Variants in AUTS2 observed in about 807,000 individuals in gnomAD.
The protein encoded by AUTS2 is activator of transcription and developmental regulator AUTS2.
AUTS2 carries 17 observed loss-of-function variants against 112.4 expected under a neutral mutation model. The observed-to-expected ratio is 0.15, with a 90% CI of 0.10 to 0.23. The LOEUF is 0.23. AUTS2 is among the 10% of genes least tolerant of loss of function. The pLI is 1.00. For synonymous variants in AUTS2, 751 were observed against 702.7 expected, an observed-to-expected ratio of 1.07 and a Z score of -1.09; for missense variants, 1,510 against 1,701.6, an observed-to-expected ratio of 0.89 and a Z score of 1.98.
intron 2 of AUTS2, among the ~76,000 whole-genome samples, chr7:70,066,145 A>T (rs993344906): frequency 2.6e-5 from 4 of 152,250 alleles, no homozygotes; most frequent in African/African-American, 9.6e-5. Context: ...TTTTTAAAAA[A>T]TTTTGTAAAA....
chr7:69,673,119 C>G (rs893196522), intron 1 of AUTS2, among the ~76,000 whole-genome samples: 7 of 151,904 alleles, frequency 4.6e-5, no homozygotes, highest in Non-Finnish European at 1.0e-4. Context: ...TTTATGTTTC[C>G]CTGTTGTTAC....
intron 5 of AUTS2, among the ~76,000 whole-genome samples, chr7:70,446,594 G>C (rs1171114054): frequency 2.0e-5 from 3 of 152,212 alleles, no homozygotes; most frequent in Admixed American, 6.5e-5. Flanking sequence ...ATTGCTGTCA[G>C]CTCGGGTTAG....
chr7:70,013,478 A>C (rs1008005046), intron 2 of AUTS2, among the ~76,000 whole-genome samples: 4 of 152,186 alleles, frequency 2.6e-5, no homozygotes, highest in Non-Finnish European at 5.9e-5. Context: ...GTGTGACTTC[A>C]TTCAGTTTAT....
At chr7:70,370,849 T>A (rs574874312) in intron 4 of AUTS2, among the ~76,000 whole-genome samples, 2 of 152,258 alleles carry the variant, frequency 1.3e-5, no homozygotes, top group Non-Finnish European at 2.9e-5. Flanking sequence ...TCTTTTTTTT[T>A]TTATTATAGC....
chr7:70,132,127 C>T (rs1005738433), intron 3 of AUTS2, among the ~76,000 whole-genome samples: 1 of 146,042 alleles, frequency 6.8e-6, no homozygotes, highest in Non-Finnish European at 1.5e-5. Context: ...TTCTGCTGAT[C>T]CTGAAATCAA....
intron 6 of AUTS2, among the ~76,000 whole-genome samples, chr7:70,709,279 G>C (rs1809916406): frequency 6.6e-6 from 1 of 152,068 alleles, no homozygotes; most frequent in South Asian, 2.1e-4. Flanking sequence ...GAAGCCCCAT[G>C]CCCAAGCCTG....
At chr7:69,978,878 ACACACACACACACACACACACACG>A (rs1224853265) in intron 2 of AUTS2, among the ~76,000 whole-genome samples, 3 of 149,876 alleles carry the variant, frequency 2.0e-5, no homozygotes, top group African/African-American at 4.9e-5. Context: ...ACACACACAC[ACACACACACACACACACACACACG>A]CACACACGCA....
intron 2 of AUTS2, among the ~76,000 whole-genome samples, chr7:70,046,527 A>G (rs1026344262): frequency 3.3e-5 from 5 of 152,300 alleles, no homozygotes; most frequent in African/African-American, 7.2e-5. Flanking sequence ...AGCAAATGGA[A>G]GCTGTTGGCT....
At chr7:70,076,593 A>G (rs756137959) in intron 2 of AUTS2, among the ~76,000 whole-genome samples, 11 of 152,142 alleles carry the variant, frequency 7.2e-5, no homozygotes, top group Admixed American at 3.9e-4. Flanking sequence ...TCTTGATTCA[A>G]TTATGTCAAT....
At chr7:70,732,702 T>A (rs1787500178) in intron 6 of AUTS2, among the ~76,000 whole-genome samples, 1 of 152,222 alleles carries the variant, frequency 6.6e-6, no homozygotes, top group Non-Finnish European at 1.5e-5. Context: ...ATTTGTCATC[T>A]TATACATCAC....
intron 1 of AUTS2, among the ~76,000 whole-genome samples, chr7:69,689,897 C>T (rs1410741375): frequency 5.6e-5 from 8 of 142,088 alleles, no homozygotes; most frequent in African/African-American, 1.6e-4. Context: ...CCATGTCGGT[C>T]GGCCAGGCTG....
At chr7:69,977,142 G>T (rs1029618709) in intron 2 of AUTS2, among the ~76,000 whole-genome samples, 2 of 152,146 alleles carry the variant, frequency 1.3e-5, no homozygotes, top group African/African-American at 4.8e-5. Context: ...AAAGGGTCCA[G>T]TTTTATTCTT....
chr7:70,620,850 A>G (rs1049869018), intron 5 of AUTS2, among the ~76,000 whole-genome samples: 1 of 152,000 alleles, frequency 6.6e-6, no homozygotes, highest in African/African-American at 2.4e-5. Flanking sequence ...CCCCTCTGGC[A>G]CCAGATCAAG....
intron 2 of AUTS2, among the ~76,000 whole-genome samples, chr7:70,006,660 G>A (rs1019941515): frequency 6.6e-6 from 1 of 152,204 alleles, no homozygotes; most frequent in South Asian, 2.1e-4. Context: ...AACTTCCCCA[G>A]TTCTAAAGAA....
intron 1 of AUTS2, among the ~76,000 whole-genome samples, chr7:69,888,770 T>A (rs1217510029): frequency 1.3e-5 from 2 of 151,514 alleles, no homozygotes; most frequent in Non-Finnish European, 2.9e-5. Context: ...GACGGGGTTT[T>A]ACCATATTGC....
intron 2 of AUTS2, among the ~76,000 whole-genome samples, chr7:69,987,236 T>A (rs148257972): frequency 0.034 from 5,180 of 152,242 alleles, 128 homozygotes; most frequent in Middle Eastern, 0.085. Flanking sequence ...CAAGCTAGAT[T>A]AGATGCAAAA....
chr7:69,919,902 A>T (rs955909183), intron 2 of AUTS2, among the ~76,000 whole-genome samples: 1 of 152,192 alleles, frequency 6.6e-6, no homozygotes, highest in African/African-American at 2.4e-5. Context: ...TGTGGTAATG[A>T]CTCACTTTGG....
intron 5 of AUTS2, among the ~76,000 whole-genome samples, chr7:70,574,251 C>T (rs1802067166): frequency 6.6e-6 from 1 of 152,118 alleles, no homozygotes; most frequent in Non-Finnish European, 1.5e-5. Context: ...CAATGCCAAT[C>T]TCTACTAACA....
chr7:70,555,837 G>A (rs542785150), intron 5 of AUTS2, among the ~76,000 whole-genome samples: 14 of 148,508 alleles, frequency 9.4e-5, no homozygotes, highest in Non-Finnish European at 1.8e-4. Flanking sequence ...GAGTCTCGTC[G>A]CTCTGTCGCC....
Sources: allele counts gnomAD v4.1 joint callset (sites outside exome capture counted in the v4.1 genomes callset), GRCh38; gene constraint gnomAD v4.1.1; transcripts MANE v1.5; gene names NCBI Gene and HGNC (gene_info 2026-07-23, HGNC 2026-07-21).